DPYD: variants seen among roughly 807,000 people sequenced by gnomAD.
DPYD encodes dihydropyrimidine dehydrogenase.
In DPYD, 109 loss-of-function variants were observed where a neutral mutation model predicts 116.2. That is an observed-to-expected ratio of 0.94 (90% CI 0.80 to 1.10). DPYD has a LOEUF of 1.10. Among genes scored for constraint, DPYD ranks in the 50% least tolerant of loss-of-function variants. The pLI is 0.00. For synonymous variants in DPYD, 440 were observed against 432.0 expected (o/e 1.02, Z -0.23); for missense variants, 1,302 against 1,254.5 (o/e 1.04, Z -0.57).
intron 13 of DPYD, among the ~76,000 whole-genome samples, chr1:97,504,310 GC>G (rs1288986800): frequency 2.6e-4 from 39 of 152,050 alleles, no homozygotes; most frequent in African/African-American, 8.7e-4. Flanking sequence ...TAAAAGATGA[GC>G]TAAAAGAGAT....
At chr1:97,641,647 T>C (rs1359068337) in intron 8 of DPYD, among the ~76,000 whole-genome samples, 1 of 152,150 alleles carries the variant, frequency 6.6e-6, no homozygotes, top group East Asian at 1.9e-4. Context: ...AATATCACAC[T>C]GAATGGGCAA....
intron 3 of DPYD, among the ~76,000 whole-genome samples, chr1:97,818,055 G>A (rs917881447): frequency 1.3e-5 from 2 of 151,962 alleles, no homozygotes; most frequent in African/African-American, 2.4e-5. Flanking sequence ...TTGATACTAA[G>A]GGGAAAATGC....
At chr1:97,896,340 A>C in intron 1 of DPYD, among the ~76,000 whole-genome samples, 1 of 151,810 alleles carries the variant, frequency 6.6e-6, no homozygotes, top group East Asian at 1.9e-4. Context: ...CTCCAATTTA[A>C]AGTGAAAAAG....
intron 19 of DPYD, among the ~76,000 whole-genome samples, chr1:97,193,862 C>G (rs1416843819): frequency 3.3e-5 from 5 of 152,174 alleles, no homozygotes; most frequent in African/African-American, 1.2e-4. Context: ...GGCTAGAAGG[C>G]CTTTCTTTTC....
intron 2 of DPYD, among the ~76,000 whole-genome samples, chr1:97,833,008 AAAAG>A (rs1177980538): frequency 2.0e-5 from 3 of 151,966 alleles, no homozygotes; most frequent in Non-Finnish European, 2.9e-5. Flanking sequence ...AAAAAAAAAA[AAAAG>A]AACAGCTAGC....
intron 13 of DPYD, among the ~76,000 whole-genome samples, chr1:97,498,134 A>G (rs1278172381): frequency 6.6e-6 from 1 of 151,812 alleles, no homozygotes; most frequent in African/African-American, 2.4e-5. Context: ...GATAGAAAAT[A>G]CATTACTGGA....
rs111620983 is a variant in DPYD at position 97,679,487 on chromosome 1, G to A, written c.763-305C>T. ...ATGTGGGGCATTTAAATAATAAGACGATAAATAAGACACATTTCCAGCATC... is the reference window on the plus strand; with the variant it reads ...ATGTGGGGCATTTAAATAATAAGACAATAAATAAGACACATTTCCAGCATC... On this transcript the variant is annotated intron_variant, in intron 7 of 22. Coordinates refer to ENST00000370192, the MANE Select transcript of DPYD (RefSeq NM_000110.4). Among the ~76,000 whole-genome samples the A allele has an allele frequency of 2.3e-3, 349 of 152,158 alleles. 1 individual carries two copies. The highest frequency in any genetic ancestry group is 3.7e-3 in the Non-Finnish European group (251 of 67,994).
At chr1:97,315,208 G>GA in intron 16 of DPYD, among the ~76,000 whole-genome samples, 1 of 151,936 alleles carries the variant, frequency 6.6e-6, no homozygotes, top group Non-Finnish European at 1.5e-5. Flanking sequence ...CTCTGGCCCA[G>GA]CTGCAGGAGT....
chr1:97,183,276 C>CT (rs1234366620), intron 20 of DPYD, among the ~76,000 whole-genome samples: 5 of 152,054 alleles, frequency 3.3e-5, no homozygotes, highest in African/African-American at 1.2e-4. Flanking sequence ...TTTAAAATTA[C>CT]TTTTTTGTCC....
chr1:97,502,524 G>T (rs776882902), intron 13 of DPYD, among the ~76,000 whole-genome samples: 6 of 152,096 alleles, frequency 3.9e-5, no homozygotes, highest in Admixed American at 6.6e-5. Flanking sequence ...AGGGCTAAGA[G>T]AAGCCATTGA....
intron 8 of DPYD, among the ~76,000 whole-genome samples, chr1:97,649,253 A>G (rs1658444217): frequency 6.6e-6 from 1 of 152,110 alleles, no homozygotes; most frequent in Non-Finnish European, 1.5e-5. Context: ...TCAATTTAAT[A>G]AAGATTTTCA....
intron 3 of DPYD, among the ~76,000 whole-genome samples, chr1:97,785,133 TA>T (rs1666951596): frequency 6.6e-6 from 1 of 152,214 alleles, no homozygotes; most frequent in South Asian, 2.1e-4. Flanking sequence ...TACAAACTTT[TA>T]TTTGTAGAAA....
chr1:97,599,413 G>T (rs919951936), intron 8 of DPYD, among the ~76,000 whole-genome samples: 13 of 151,186 alleles, frequency 8.6e-5, no homozygotes, highest in African/African-American at 2.9e-4. Flanking sequence ...TAAAATCTAG[G>T]AAGTAATAAG....
intron 8 of DPYD, among the ~76,000 whole-genome samples, chr1:97,629,893 A>G (rs958576030): frequency 6.6e-6 from 1 of 152,056 alleles, no homozygotes; most frequent in Non-Finnish European, 1.5e-5. Context: ...TAATACAAAT[A>G]ACCACTAACC....
At chr1:97,089,948 T>G (rs1237775752) in intron 21 of DPYD, among the ~76,000 whole-genome samples, 10 of 151,844 alleles carry the variant, frequency 6.6e-5, no homozygotes, top group Non-Finnish European at 7.4e-5. Context: ...GGCATAACCA[T>G]GCTTGATGTT....
At chr1:97,718,738 T>C (rs1413067721) in intron 5 of DPYD, among the ~76,000 whole-genome samples, 1 of 151,870 alleles carries the variant, frequency 6.6e-6, no homozygotes, top group African/African-American at 2.4e-5. Flanking sequence ...GAAAGATGCA[T>C]TCTCATTTCC....
At chr1:97,424,050 T>A (rs577843934) in intron 14 of DPYD, among the ~76,000 whole-genome samples, 2 of 152,212 alleles carry the variant, frequency 1.3e-5, no homozygotes, top group Non-Finnish European at 2.9e-5. Context: ...ACTTTCTTAG[T>A]ATATAATGGT....
intron 2 of DPYD, among the ~76,000 whole-genome samples, chr1:97,865,962 T>G (rs943661119): frequency 6.6e-6 from 1 of 151,972 alleles, no homozygotes; most frequent in African/African-American, 2.4e-5. Flanking sequence ...CAAAGAAGAC[T>G]AAGACACAAT....
chr1:97,500,992 A>C (rs1223676532), intron 13 of DPYD, among the ~76,000 whole-genome samples: 1 of 152,068 alleles, frequency 6.6e-6, no homozygotes, highest in Non-Finnish European at 1.5e-5. Flanking sequence ...TTAGCAGGCA[A>C]TTAGTCAACA....
Sources: allele counts gnomAD v4.1 joint callset (sites outside exome capture counted in the v4.1 genomes callset), GRCh38; gene constraint gnomAD v4.1.1; transcripts MANE v1.5; gene names NCBI Gene and HGNC (gene_info 2026-07-23, HGNC 2026-07-21).